The following GABBR1 variants were observed in gnomAD, a reference collection of about 807,000 sequenced individuals.
GABBR1 encodes gamma-aminobutyric acid type B receptor subunit 1.
Under a neutral mutation model 117.7 loss-of-function variants are expected in GABBR1, and 35 were observed. The observed-to-expected ratio is 0.30, with a 90% CI of 0.23 to 0.39. GABBR1 has a LOEUF of 0.39. Ranked by LOEUF, GABBR1 falls within the 10% of genes least tolerant of loss-of-function variation. GABBR1 has a pLI of 1.00. For missense variants in GABBR1, 709 were observed against 1,241.8 expected (o/e 0.57, Z 6.45); for synonymous variants, 442 against 486.6 (o/e 0.91, Z 1.21).
At position 29,621,838 on chromosome 6, in the gene GABBR1, G is replaced by T. The variant is rs769018895; in HGVS notation, c.1066-21C>A. 13 of 1,613,512 alleles carry T rather than the reference G, an allele frequency of 8.1e-6. No homozygotes were observed. Among genetic ancestry groups the T allele is most frequent in the African/African-American group, 5.3e-5 (4 of 75,022 alleles). On this transcript the variant is annotated intron_variant, in intron 9 of 22. Transcript: ENST00000377034. The surrounding 1 kb of genome is among the most constrained non-coding windows in gnomAD (Gnocchi z 5.0). Reference sequence around the variant, plus strand: ...TGGCGCTACAACAGAGAAAGAAACAGCTCCTGAGGGATGCCCGGGAATGCC... The same window carrying T: ...TGGCGCTACAACAGAGAAAGAAACATCTCCTGAGGGATGCCCGGGAATGCC...
intron 16 of GABBR1, 184 bp downstream of exon 16, chr6:29,608,417 G>C: frequency 1.6e-6 from 1 of 610,252 alleles, no homozygotes. Context: ...AAAATGGCCT[G>C]CAGACACAGA....
intron 11 of GABBR1, among the ~76,000 whole-genome samples, chr6:29,616,936 A>G (rs1763186139): frequency 6.8e-6 from 1 of 147,806 alleles, no homozygotes; most frequent in African/African-American, 2.5e-5. Flanking sequence ...TCACGAGGTC[A>G]GGAGATCGAG....
In GABBR1 at chr6:29,613,862, T is replaced by C. The variant is rs1762804933; in HGVS notation, c.1324-377A>G. 6.6e-6 allele frequency among the ~76,000 whole-genome samples: 1 copy of C among 152,234 alleles called. No homozygotes were observed. The highest frequency in any genetic ancestry group is 2.4e-5 in the African/African-American group (1 of 41,458). On this transcript the variant is annotated intron_variant, in intron 11 of 22. Coordinates refer to ENST00000377034, the MANE Select transcript of GABBR1 (RefSeq NM_001470.4). The surrounding 1 kb of genome is among the most constrained non-coding windows in gnomAD (Gnocchi z 4.1). Reference sequence around the variant, plus strand: ...TGACACTGATGTTCTCTGATCCTTCTGACTTTCTTCATAGAGTTAACCCAG... The same window carrying C: ...TGACACTGATGTTCTCTGATCCTTCCGACTTTCTTCATAGAGTTAACCCAG...
In GABBR1 at chr6:29,627,535, C is replaced by A. The variant is rs868471174; in HGVS notation, c.608G>T (p.Arg203Met). 1.9e-6 allele frequency: 3 copies of A among 1,603,132 alleles called. No individual in the cohort carries two copies. The highest frequency in any genetic ancestry group is 1.3e-5 in the African/African-American group (1 of 74,706). The stretch of plus-strand genomic sequence containing the variant: ...GAGCTCATAGTCCGGCAGGATGTCC[C>A]TGCGGCTATTCACGTCCTCCAGCGC... ...EMALEDVNSRRDILPDYELKL... is the reference protein window; with the variant it reads ...EMALEDVNSRMDILPDYELKL... The change falls in exon 6 of 23, where the codon AGG (arginine) becomes ATG (methionine). Residue 203 changes from arginine to methionine, a missense_variant. Transcript: ENST00000377034. This position sits in a 1 kb window ranked among gnomAD's most constrained non-coding sequence, Gnocchi z 4.4.
chr6:29,605,706 C>G lies in GABBR1; in HGVS notation c.2312-10G>C, dbSNP rs1032859481. 9.9e-6 allele frequency: 16 copies of G among 1,610,812 alleles called. No individual in the cohort carries two copies. The highest frequency in any genetic ancestry group is 1.4e-5 in the Non-Finnish European group (16 of 1,179,780). ...TAACCATAGAAAATGCCTAGGATGG[C>G]AGGAGAGAGTCACTTGAGCAACAAG... On this transcript the variant is annotated splice_polypyrimidine_tract_variant and intron_variant, in intron 19 of 22. Transcript: ENST00000377034. The surrounding 1 kb of genome is among the most constrained non-coding windows in gnomAD (Gnocchi z 4.2).
chr6:29,608,198 T>C (rs1762153498), intron 16 of GABBR1, among the ~76,000 whole-genome samples: 1 of 152,156 alleles, frequency 6.6e-6, no homozygotes, highest in Non-Finnish European at 1.5e-5. Flanking sequence ...CTCTGCTGTG[T>C]TTCCATCTCT....
At chr6:29,603,757 G>A in intron 22 of GABBR1, 41 bp from the exon 23 acceptor site, 1 of 1,416,832 alleles carries the variant, frequency 7.1e-7, no homozygotes, top group Non-Finnish European at 9.2e-7. Flanking sequence ...GAGAAGAGGA[G>A]GTGATGAAGG....
Position 29,620,498 on chromosome 6 carries a change from G to A in GABBR1, c.1323+603C>T, listed in dbSNP as rs1763637823. 6.6e-6 allele frequency among the ~76,000 whole-genome samples: 1 copy of A among 152,142 alleles called. No homozygotes were observed. Among genetic ancestry groups the A allele is most frequent in the South Asian group, 2.1e-4 (1 of 4,832 alleles). On this transcript the variant is annotated intron_variant, in intron 11 of 22. Coordinates refer to ENST00000377034, the MANE Select transcript of GABBR1 (RefSeq NM_001470.4). This position sits in a 1 kb window ranked among gnomAD's most constrained non-coding sequence, Gnocchi z 4.5. Reference sequence around the variant, plus strand: ...CCACACTCACTTCTGCCCCTCAGCTGCAGGGCTGCCCCAGCCCTCTCAAAT... The same window carrying A: ...CCACACTCACTTCTGCCCCTCAGCTACAGGGCTGCCCCAGCCCTCTCAAAT...
Position 29,632,789 on chromosome 6 carries a change from TC to T in GABBR1, c.-1+60del. 1.6e-6 allele frequency: 1 copy of T among 639,744 alleles called. No homozygotes were observed. The highest frequency in any genetic ancestry group is 1.9e-6 in the Non-Finnish European group (1 of 535,488). 39.6% of individuals were successfully genotyped at this position (639,744 alleles called of 1,614,324 possible). A position where few individuals can be genotyped will look rare whatever the true frequency, so the allele number is the denominator to read the frequency against. ...GCTGGGCCCTGCGCCCACTGCCCCCTCCCCCACCACGCCGCGCGCCCCCTCT... is the reference window on the plus strand; with the variant it reads ...GCTGGGCCCTGCGCCCACTGCCCCCTCCCCACCACGCCGCGCGCCCCCTCT... On this transcript the variant is annotated intron_variant, in intron 1 of 22. Coordinates refer to ENST00000377034, the MANE Select transcript of GABBR1 (RefSeq NM_001470.4). The surrounding 1 kb of genome is among the most constrained non-coding windows in gnomAD (Gnocchi z 5.8).
rs1562110065 is a variant in GABBR1 at position 29,621,620 on chromosome 6, C to T, written c.1131+132G>A. The T allele has an allele frequency of 1.3e-6, 1 of 781,390 alleles. No individual in the cohort carries two copies. Among genetic ancestry groups the T allele is most frequent in the African/African-American group, 1.7e-5 (1 of 57,612 alleles). 48.4% of individuals were successfully genotyped at this position (781,390 alleles called of 1,614,324 possible). On this transcript the variant is annotated intron_variant, in intron 10 of 22. Transcript: ENST00000377034. The surrounding 1 kb of genome is among the most constrained non-coding windows in gnomAD (Gnocchi z 5.0). ...AAGGGATGCAGTCAGAGCCAACAGA[C>T]AGAGACATCCTATGAATCGTCACCT...
In GABBR1 at chr6:29,607,077, G is replaced by A. The variant is rs1562081250; in HGVS notation, c.2109+25C>T. On this transcript the variant is annotated intron_variant, in intron 17 of 22. Transcript: ENST00000377034. This position sits in a 1 kb window ranked among gnomAD's most constrained non-coding sequence, Gnocchi z 5.0. ...GTGCCCCAGGAGCCAAGGATCTGGG[G>A]GCTGAGGATTGGGCAGCAGCTCACC... 6.2e-7 allele frequency: 1 copy of A among 1,609,114 alleles called. No homozygotes were observed. The highest frequency in any genetic ancestry group is 8.5e-7 in the Non-Finnish European group (1 of 1,175,464).
At chr6:29,614,417 G>A (rs1370431794) in intron 11 of GABBR1, among the ~76,000 whole-genome samples, 1 of 152,222 alleles carries the variant, frequency 6.6e-6, no homozygotes, top group Non-Finnish European at 1.5e-5. Context: ...AACACAAACG[G>A]TAATGAAAGA....
chr6:29,632,709 C>A lies in GABBR1; in HGVS notation c.-1+141G>T, dbSNP rs995926667. The A allele has an allele frequency of 1.0e-5, 14 of 1,384,656 alleles. No individual in the cohort carries two copies. Among genetic ancestry groups the A allele is most frequent in the Non-Finnish European group, 1.3e-5 (14 of 1,058,858 alleles). The allele number at this position is 1,384,656 out of a possible 1,614,324, so 85.8% of individuals were successfully genotyped here. On this transcript the variant is annotated intron_variant, in intron 1 of 22. Transcript: ENST00000377034. This position sits in a 1 kb window ranked among gnomAD's most constrained non-coding sequence, Gnocchi z 5.8. ...ACGCTCCCGGCATCGGCCGCCTCAG[C>A]GCTCCCCGATTCCATCCCCGCGGTT...
Position 29,611,924 on chromosome 6 carries a change from G to C in GABBR1, c.1630+627C>G, listed in dbSNP as rs1238016363. ...ACAGGTCATCAACCTCTCAACCCAA[G>C]CCACTCAAGGGGAAATTCCTGAAAT... On this transcript the variant is annotated intron_variant, in intron 13 of 22. Transcript: ENST00000377034. The surrounding 1 kb of genome is among the most constrained non-coding windows in gnomAD (Gnocchi z 4.6). Among the ~76,000 whole-genome samples the C allele has an allele frequency of 1.3e-5, 2 of 152,168 alleles. No individual in the cohort carries two copies.
intron 11 of GABBR1, among the ~76,000 whole-genome samples, chr6:29,617,226 A>G: frequency 6.6e-6 from 1 of 150,852 alleles, no homozygotes; most frequent in East Asian, 1.9e-4. Flanking sequence ...TCTCAACCTC[A>G]TCTTTGTTAT....
intron 11 of GABBR1, among the ~76,000 whole-genome samples, chr6:29,618,907 C>CAA (rs1763457170): frequency 6.6e-6 from 1 of 152,198 alleles, no homozygotes; most frequent in Non-Finnish European, 1.5e-5. Flanking sequence ...CCCCTACCCC[C>CAA]AACTGTAACA....
chr6:29,627,929 G>A lies in GABBR1; in HGVS notation c.497-283C>T. ...TGGGGAGGAGGGGGCGAGGGCCCCGGAGAAGCAGGGAAGGTTGGCTTCCTA... is the reference window on the plus strand; with the variant it reads ...TGGGGAGGAGGGGGCGAGGGCCCCGAAGAAGCAGGGAAGGTTGGCTTCCTA... On this transcript the variant is annotated intron_variant, in intron 5 of 22. Coordinates refer to ENST00000377034, the MANE Select transcript of GABBR1 (RefSeq NM_001470.4). This position sits in a 1 kb window ranked among gnomAD's most constrained non-coding sequence, Gnocchi z 4.4. The A allele has an allele frequency of 7.3e-7, 1 of 1,361,498 alleles. No homozygotes were observed. The highest frequency in any genetic ancestry group is 9.4e-7 in the Non-Finnish European group (1 of 1,066,376). 84.3% of individuals were successfully genotyped at this position (1,361,498 alleles called of 1,614,324 possible).
Position 29,622,029 on chromosome 6 carries a change from T to C in GABBR1, c.1065+75A>G. ...GAATCAAAACCTGCCCCCGCCTGGC[T>C]TTCCTCTCCAACCAGTCACTGTCCC... On this transcript the variant is annotated intron_variant, in intron 9 of 22. Transcript: ENST00000377034. This position sits in a 1 kb window ranked among gnomAD's most constrained non-coding sequence, Gnocchi z 4.6. 7.3e-7 allele frequency: 1 copy of C among 1,367,078 alleles called. No individual in the cohort carries two copies. Among genetic ancestry groups the C allele is most frequent in the Non-Finnish European group, 1.0e-6 (1 of 960,382 alleles). 84.7% of individuals were successfully genotyped at this position (1,367,078 alleles called of 1,614,324 possible).
At position 29,621,066 on chromosome 6, in the gene GABBR1, C is replaced by T. The variant is rs748393164; in HGVS notation, c.1323+35G>A. The T allele has an allele frequency of 6.3e-7, 1 of 1,589,702 alleles. No homozygotes were observed. ...AGGCCCCCTCAGTCCTCTCCACCCT[C>T]CCAGGTGCCAGACTGCAAGTCCCCA... On this transcript the variant is annotated intron_variant, in intron 11 of 22. Transcript: ENST00000377034. The surrounding 1 kb of genome is among the most constrained non-coding windows in gnomAD (Gnocchi z 5.0).
Sources: allele counts gnomAD v4.1 joint callset (sites outside exome capture counted in the v4.1 genomes callset), GRCh38; gene constraint gnomAD v4.1.1; non-coding constraint Gnocchi (gnomAD v3.1); transcripts MANE v1.5; gene names NCBI Gene and HGNC (gene_info 2026-07-23, HGNC 2026-07-21).